The following DLGAP1 variants were observed in gnomAD, a reference collection of about 807,000 sequenced individuals.
DLGAP1 encodes disks large-associated protein 1.
In DLGAP1, 11 loss-of-function variants were observed where a neutral mutation model predicts 90.8. The observed-to-expected ratio is 0.12, with a 90% confidence interval of 0.08 to 0.20. The LOEUF (loss-of-function observed/expected upper bound fraction) is 0.20, where lower values mean the gene tolerates loss of function less well. Among genes scored for constraint, DLGAP1 ranks in the 10% least tolerant of loss-of-function variants. DLGAP1 has a pLI of 1.00. For missense variants in DLGAP1, 1,050 were observed against 1,333.8 expected, an observed-to-expected ratio of 0.79 and a Z score of 3.31; for synonymous variants, 558 against 540.7, an observed-to-expected ratio of 1.03 and a Z score of -0.44.
At chr18:3,741,122 C>G (rs1166730177) in intron 6 of DLGAP1, among the ~76,000 whole-genome samples, 1 of 127,856 alleles carries the variant, frequency 7.8e-6, no homozygotes, top group African/African-American at 3.2e-5. Context: ...CCACCACCAT[C>G]ACCACCACCA....
At chr18:3,554,610 G>A (rs564840078) in intron 9 of DLGAP1, among the ~76,000 whole-genome samples, 2 of 152,318 alleles carry the variant, frequency 1.3e-5, no homozygotes, top group East Asian at 3.9e-4. Flanking sequence ...TGTCATGGTG[G>A]CCTGCAAATG....
At chr18:3,706,859 T>G (rs2061449419) in intron 7 of DLGAP1, among the ~76,000 whole-genome samples, 1 of 151,870 alleles carries the variant, frequency 6.6e-6, no homozygotes. Context: ...TAGAAAAAAG[T>G]TTCCCCAAAT....
intron 9 of DLGAP1, among the ~76,000 whole-genome samples, chr18:3,548,595 C>T (rs116369819): frequency 0.028 from 4,301 of 152,156 alleles, 229 homozygotes; most frequent in African/African-American, 0.098. Flanking sequence ...GGTGAAACCC[C>T]GTTTCTACAA....
intron 2 of DLGAP1, among the ~76,000 whole-genome samples, chr18:4,092,096 T>C (rs2075780912): frequency 6.6e-6 from 1 of 152,158 alleles, no homozygotes; most frequent in African/African-American, 2.4e-5. Flanking sequence ...ATGGTTAACC[T>C]CAGTATATTA....
chr18:3,889,019 G>C (rs2071393704), intron 3 of DLGAP1, among the ~76,000 whole-genome samples: 1 of 152,126 alleles, frequency 6.6e-6, no homozygotes, highest in Non-Finnish European at 1.5e-5. Context: ...TGCCCTTCAG[G>C]AGGTGCTGCA....
Position 3,526,236 on chromosome 18 carries a change from G to A in DLGAP1, c.2479+7958C>T, listed in dbSNP as rs1248473945. 1.3e-5 allele frequency among the ~76,000 whole-genome samples: 2 copies of A among 152,152 alleles called. No individual in the cohort carries two copies. The highest frequency in any genetic ancestry group is 4.8e-5 in the African/African-American group (2 of 41,444). On this transcript the variant is annotated intron_variant, in intron 10 of 12. Transcript: ENST00000315677. This position sits in a 1 kb window ranked among gnomAD's most constrained non-coding sequence, Gnocchi z 4.7. Reference sequence around the variant, plus strand: ...TTGCTCCCCACTTAGAAACACACACGGGCTGGAGGCAGATGAATTGCAGAA... The same window carrying A: ...TTGCTCCCCACTTAGAAACACACACAGGCTGGAGGCAGATGAATTGCAGAA...
At chr18:3,602,825 T>C (rs900375140) in intron 7 of DLGAP1, among the ~76,000 whole-genome samples, 4 of 152,126 alleles carry the variant, frequency 2.6e-5, no homozygotes, top group Admixed American at 6.6e-5. Context: ...TTATTAAGTA[T>C]CGACTCTGAA....
intron 7 of DLGAP1, among the ~76,000 whole-genome samples, chr18:3,583,477 T>G (rs2055691653): frequency 6.6e-6 from 1 of 152,202 alleles, no homozygotes; most frequent in Non-Finnish European, 1.5e-5. Context: ...AAACTTCTTT[T>G]GTTTAATTTT....
rs5822770 is a variant in DLGAP1 at position 3,837,849 on chromosome 18, CAAAAAAAAAAA to C, written c.958-23587_958-23577del. ...CCTGGGCGACAGAGTGAGATTCTGT[CAAAAAAAAAAA>C]AAAAAAAAAAAAAAAAAAAAAGTCA... is the stretch of plus-strand genomic sequence containing the variant. On this transcript the variant is annotated intron_variant, in intron 4 of 12. Transcript: ENST00000315677. Among the ~76,000 whole-genome samples, 210 of 26,820 alleles carry C rather than the reference CAAAAAAAAAAA, an allele frequency of 7.8e-3. 2 individuals carry two copies. The highest frequency in any genetic ancestry group is 0.071 in the Middle Eastern group (1 of 14). The allele number at this position is 26,820 out of a possible 152,430, so 17.6% of individuals were successfully genotyped here. A position where few individuals can be genotyped will look rare whatever the true frequency, so the allele number is the denominator to read the frequency against.
chr18:3,820,485 G>T (rs576554135), intron 4 of DLGAP1, among the ~76,000 whole-genome samples: 1 of 152,310 alleles, frequency 6.6e-6, no homozygotes, highest in Admixed American at 6.5e-5. Context: ...TGAATGGTGG[G>T]CATGAGGGAT....
At chr18:4,329,205 C>T (rs139895742) in intron 1 of DLGAP1, among the ~76,000 whole-genome samples, 161 of 151,948 alleles carry the variant, frequency 1.1e-3, no homozygotes, top group South Asian at 2.1e-3. Flanking sequence ...GATGTGAGGT[C>T]GAGGTTTACT....
chr18:3,986,435 G>A (rs1411264241), intron 3 of DLGAP1: 1 of 150,964 alleles, frequency 6.6e-6, no homozygotes, highest in African/African-American at 2.4e-5. Context: ...TTTTAAAGAT[G>A]GGGTCTTGCC....
At chr18:4,374,722 CA>C (rs1463611429) in intron 1 of DLGAP1, among the ~76,000 whole-genome samples, 2 of 151,966 alleles carry the variant, frequency 1.3e-5, no homozygotes, top group Non-Finnish European at 2.9e-5. Context: ...AATACCAATA[CA>C]ATTTACCAGT....
At chr18:3,750,405 T>C (rs1256191788) in intron 5 of DLGAP1, among the ~76,000 whole-genome samples, 1 of 152,238 alleles carries the variant, frequency 6.6e-6, no homozygotes, top group African/African-American at 2.4e-5. Flanking sequence ...GTCTTTGCTA[T>C]TGTGAACAGT....
chr18:4,096,439 G>T (rs1308634759), intron 2 of DLGAP1, among the ~76,000 whole-genome samples: 3 of 152,052 alleles, frequency 2.0e-5, no homozygotes, highest in Non-Finnish European at 4.4e-5. Context: ...TATTTTATCA[G>T]AAAAACCTGT....
chr18:3,955,918 A>G (rs1422347789), intron 3 of DLGAP1, among the ~76,000 whole-genome samples: 1 of 152,200 alleles, frequency 6.6e-6, no homozygotes, highest in African/African-American at 2.4e-5. Context: ...AAAAAGAACA[A>G]TTCCTCAAAA....
intron 1 of DLGAP1, among the ~76,000 whole-genome samples, chr18:4,448,654 A>T (rs570816548): frequency 6.6e-6 from 1 of 152,300 alleles, no homozygotes; most frequent in Non-Finnish European, 1.5e-5. Flanking sequence ...ATGGAAGGTT[A>T]ACATATCCCC....
intron 9 of DLGAP1, among the ~76,000 whole-genome samples, chr18:3,562,892 G>T (rs957073711): frequency 5.3e-5 from 8 of 152,000 alleles, no homozygotes; most frequent in Non-Finnish European, 1.0e-4. Context: ...GCAGTGGTGT[G>T]ATCTCAGCTC....
At chr18:3,527,410 C>CTTTTTTTTTTTTTTTTTTTTTTTTTTTT (rs3075071) in intron 10 of DLGAP1, among the ~76,000 whole-genome samples, 2 of 100,684 alleles carry the variant, frequency 2.0e-5, no homozygotes, top group African/African-American at 3.7e-5. Flanking sequence ...ATTTTCCAAA[C>CTTTTTTTTTTTTTTTTTTTTTTTTTTTT]TTTTTTTTTT....
Sources: gnomAD v4.1 joint callset for allele counts (sites outside exome capture counted in the v4.1 genomes callset) on GRCh38, gnomAD v4.1.1 for gene constraint, Gnocchi (gnomAD v3.1) non-coding constraint, MANE v1.5 for transcripts, NCBI Gene and HGNC (gene_info 2026-07-23, HGNC 2026-07-21) for gene names.